The following TBX20 variants were observed in gnomAD, a reference collection of about 807,000 sequenced individuals.
TBX20 encodes T-box transcription factor TBX20.
In TBX20, 8 loss-of-function variants were observed where a neutral mutation model predicts 42.9. That is an observed-to-expected ratio of 0.19 (90% CI 0.11 to 0.34). The LOEUF is 0.34. Among genes scored for constraint, TBX20 ranks in the 10% least tolerant of loss-of-function variants. The probability of loss-of-function intolerance (pLI) is 1.00; values close to 1 mark genes in which losing one functional copy is unlikely to be tolerated. For missense variants in TBX20, 411 were observed against 566.0 expected, an observed-to-expected ratio of 0.73 and a Z score of 2.78; for synonymous variants, 198 against 222.8, an observed-to-expected ratio of 0.89 and a Z score of 0.99.
chr7:35,229,518 T>C (rs1789832629), intron 6 of TBX20, among the ~76,000 whole-genome samples: 1 of 152,212 alleles, frequency 6.6e-6, no homozygotes. Flanking sequence ...AAGAGTGCTG[T>C]CTTTGCCCTC....
chr7:35,247,333 A>G lies in TBX20; in HGVS notation c.545+1344T>C, dbSNP rs1164605811. Among the ~76,000 whole-genome samples the G allele has an allele frequency of 3.3e-5, 5 of 152,022 alleles. No homozygotes were observed. The South Asian group carries it at 1.0e-3, about 31-fold the overall frequency. ...AGAGAACACTAATTTTATTAATTTT[A>G]ATATCTATTATAAACTGGTGAATCT... On this transcript the variant is annotated intron_variant, in intron 3 of 7. Coordinates refer to ENST00000408931, the MANE Select transcript of TBX20 (RefSeq NM_001077653.2).
intron 6 of TBX20, among the ~76,000 whole-genome samples, chr7:35,228,990 C>T (rs1789823252): frequency 6.6e-6 from 1 of 152,122 alleles, no homozygotes; most frequent in South Asian, 2.1e-4. Flanking sequence ...AAAACTAAAA[C>T]ACCTTTAAGA....
chr7:35,202,932 C>G (rs1391333994), intron 7 of TBX20, among the ~76,000 whole-genome samples, 162 bp from the exon 8 acceptor site: 1 of 152,122 alleles, frequency 6.6e-6, no homozygotes, highest in Non-Finnish European at 1.5e-5. Flanking sequence ...ATCTACTTTT[C>G]TAGGTAAGAA....
chr7:35,234,942 G>C (rs1460277386), intron 5 of TBX20, among the ~76,000 whole-genome samples: 1 of 152,076 alleles, frequency 6.6e-6, no homozygotes, highest in Non-Finnish European at 1.5e-5. Context: ...CATGTTCCTT[G>C]TAGCCCACTG....
chr7:35,213,786 C>A (rs1239230187), intron 6 of TBX20, among the ~76,000 whole-genome samples: 2 of 146,426 alleles, frequency 1.4e-5, no homozygotes, highest in Non-Finnish European at 3.0e-5. Flanking sequence ...CATTTGTACA[C>A]TGGGGAGCCT....
chr7:35,224,618 G>A (rs1789739618), intron 6 of TBX20, among the ~76,000 whole-genome samples: 1 of 151,438 alleles, frequency 6.6e-6, no homozygotes, highest in Admixed American at 6.6e-5. Flanking sequence ...GTTGCAGTGA[G>A]CTGAGATCGC....
At chr7:35,231,444 C>A in intron 6 of TBX20, 60 bp downstream of exon 6, 1 of 1,203,936 alleles carries the variant, frequency 8.3e-7, no homozygotes, top group South Asian at 1.2e-5. Flanking sequence ...TGTGTTGTTA[C>A]AAACTCCCTC....
chr7:35,240,919 T>G lies in TBX20; in HGVS notation c.773A>C (p.Glu258Ala). 6.2e-7 allele frequency: 1 copy of G among 1,613,944 alleles called. No individual in the cohort carries two copies. Residue 258 changes from glutamate (E) to alanine (A), a missense_variant, in exon 5 of 8, where the codon GAA (glutamate) becomes GCA (alanine). Transcript: ENST00000408931. Reference protein sequence around the residue: ...SEEFRTFIFPETVFTAVTAYQ... With the variant: ...SEEFRTFIFPATVFTAVTAYQ... ...GGCAGTGACTGCCGTAAAAACTGTTTCTGGAAAGATGAAAGTTCTAAATTC... is the reference window on the plus strand; with the variant it reads ...GGCAGTGACTGCCGTAAAAACTGTTGCTGGAAAGATGAAAGTTCTAAATTC...
chr7:35,204,818 T>A (rs1182959254), intron 6 of TBX20, among the ~76,000 whole-genome samples: 1 of 151,948 alleles, frequency 6.6e-6, no homozygotes, highest in African/African-American at 2.4e-5. Flanking sequence ...ACAAGGACAA[T>A]CCCCTGAAAT....
Position 35,249,762 on chromosome 7 carries a change from T to C in TBX20, c.380+189A>G, listed in dbSNP as rs1429644534. On this transcript the variant is annotated intron_variant, in intron 2 of 7. Coordinates refer to ENST00000408931, the MANE Select transcript of TBX20 (RefSeq NM_001077653.2). This position sits in a 1 kb window ranked among gnomAD's most constrained non-coding sequence, Gnocchi z 4.3. ...GGTGGGGCTTCCCATGACCAAATCC[T>C]GAGAACGCAAATGACTAGACATCCT... Among the ~76,000 whole-genome samples the C allele has an allele frequency of 2.0e-5, 3 of 152,134 alleles. No individual in the cohort carries two copies. The highest frequency in any genetic ancestry group is 6.5e-5 in the Admixed American group (1 of 15,288).
intron 7 of TBX20, among the ~76,000 whole-genome samples, chr7:35,203,501 T>C (rs575667811): frequency 6.6e-6 from 1 of 152,202 alleles, no homozygotes; most frequent in Non-Finnish European, 1.5e-5. Context: ...ACTTAAGGAA[T>C]AGTAAATATA....
intron 6 of TBX20, among the ~76,000 whole-genome samples, chr7:35,226,379 C>A: frequency 1.6e-5 from 2 of 128,358 alleles, no homozygotes; most frequent in African/African-American, 2.9e-5. Context: ...TTTTACAGCT[C>A]ATTTAGAGAA....
At chr7:35,216,072 AC>A (rs1463102988) in intron 6 of TBX20, among the ~76,000 whole-genome samples, 5 of 152,128 alleles carry the variant, frequency 3.3e-5, no homozygotes, top group Non-Finnish European at 7.4e-5. Context: ...TGGCAATTAT[AC>A]GTTTTCAGGT....
At chr7:35,213,953 A>G (rs1584342573) in intron 6 of TBX20, among the ~76,000 whole-genome samples, 1 of 149,138 alleles carries the variant, frequency 6.7e-6, no homozygotes, top group East Asian at 2.0e-4. Flanking sequence ...AGTTGGGGTG[A>G]AAAGTGGGGG....
At chr7:35,231,360 A>C in intron 6 of TBX20, 144 bp downstream of exon 6, 1 of 660,952 alleles carries the variant, frequency 1.5e-6, no homozygotes, top group East Asian at 2.8e-5. Context: ...GCAGTTGCAT[A>C]TGTACAAGGA....
chr7:35,237,884 A>G (rs566352540), intron 5 of TBX20, among the ~76,000 whole-genome samples: 2 of 152,266 alleles, frequency 1.3e-5, no homozygotes, highest in African/African-American at 2.4e-5. Context: ...AAATGAGCAT[A>G]AAGAGCTGAT....
chr7:35,233,901 A>T (rs1789914375), intron 5 of TBX20, among the ~76,000 whole-genome samples: 1 of 152,258 alleles, frequency 6.6e-6, no homozygotes, highest in African/African-American at 2.4e-5. Flanking sequence ...AGCTAATCAG[A>T]GCTGGAACTG....
At chr7:35,238,439 T>TA (rs1790009607) in intron 5 of TBX20, among the ~76,000 whole-genome samples, 1 of 152,212 alleles carries the variant, frequency 6.6e-6, no homozygotes, top group South Asian at 2.1e-4. Context: ...AGAATTATGA[T>TA]AAAAGCAATG....
intron 7 of TBX20, among the ~76,000 whole-genome samples, chr7:35,203,440 G>A (rs1252692168): frequency 4.0e-5 from 6 of 150,388 alleles, no homozygotes; most frequent in Non-Finnish European, 8.9e-5. Context: ...TTCCTCATCT[G>A]CCAACTCAGT....
Sources: gnomAD v4.1 joint callset for allele counts (sites outside exome capture counted in the v4.1 genomes callset) on GRCh38, gnomAD v4.1.1 for gene constraint, Gnocchi (gnomAD v3.1) non-coding constraint, MANE v1.5 for transcripts, NCBI Gene and HGNC (gene_info 2026-07-23, HGNC 2026-07-21) for gene names.